Variants in ACACA observed in about 807,000 individuals in gnomAD.
The protein encoded by ACACA is acetyl-CoA carboxylase 1.
ACACA carries 103 observed loss-of-function variants against 296.1 expected under a neutral mutation model. The observed-to-expected ratio is 0.35, with a 90% confidence interval of 0.30 to 0.41. The LOEUF is 0.41. ACACA is among the 10% of genes least tolerant of loss of function. The pLI is 1.00. For synonymous variants in ACACA, 953 were observed against 1,038.6 expected (o/e 0.92, Z 1.58); for missense variants, 1,554 against 2,989.7 (o/e 0.52, Z 11.20).
At chr17:37,199,524 G>A (rs1397769180) in intron 35 of ACACA, among the ~76,000 whole-genome samples, 1 of 152,082 alleles carries the variant, frequency 6.6e-6, no homozygotes, top group African/African-American at 2.4e-5. Context: ...TTAAATGGGA[G>A]AATAAGCAAC....
At chr17:37,156,827 T>C (rs1598004236) in intron 42 of ACACA, among the ~76,000 whole-genome samples, 1 of 152,240 alleles carries the variant, frequency 6.6e-6, no homozygotes, top group East Asian at 1.9e-4. Context: ...ACTCAATAAA[T>C]GTATGTCCCA....
chr17:37,122,698 C>T (rs1379369812), intron 48 of ACACA, 71 bp from the exon 49 acceptor site: 1 of 1,324,428 alleles, frequency 7.6e-7, no homozygotes, highest in Non-Finnish European at 1.1e-6. Context: ...TTTTCCAATC[C>T]CAAATCAAGA....
At chr17:37,098,798 G>A (rs752260197) in intron 52 of ACACA, among the ~76,000 whole-genome samples, 3 of 152,194 alleles carry the variant, frequency 2.0e-5, no homozygotes, top group Non-Finnish European at 2.9e-5. Flanking sequence ...TCAACAGACA[G>A]GAGACTTTGG....
rs896453133 is a variant in ACACA, at chr17:37,374,576, C to T, written c.38+31686G>A. On this transcript the variant is annotated intron_variant, in intron 1 of 55. Coordinates refer to ENST00000616317, the MANE Select transcript of ACACA (RefSeq NM_198834.3). ...TGCTGGGATTACAGGCGTGAGCCACCGCGCCCGGCCCTTCATTCTCTTTTA... is the reference window on the plus strand; with the variant it reads ...TGCTGGGATTACAGGCGTGAGCCACTGCGCCCGGCCCTTCATTCTCTTTTA... 3.3e-5 allele frequency among the ~76,000 whole-genome samples: 5 copies of T among 152,262 alleles called. No individual in the cohort carries two copies. The South Asian group carries it at 1.0e-3, about 32-fold the overall frequency.
rs554285386 is a variant in ACACA at position 37,395,554 on chromosome 17, A to G, written c.38+10708T>C. Reference sequence around the variant, plus strand: ...GCTGTTCCACCTTTTTTTAAATTTTAATTTTTTGAGATGGAGTTTCACTCT... The same window carrying G: ...GCTGTTCCACCTTTTTTTAAATTTTGATTTTTTGAGATGGAGTTTCACTCT... On this transcript the variant is annotated intron_variant, in intron 1 of 55. Transcript: ENST00000616317. Among the ~76,000 whole-genome samples, 404 of 151,656 alleles carry G rather than the reference A, an allele frequency of 2.7e-3. 1 individual carries two copies. The highest frequency in any genetic ancestry group is 9.3e-3 in the African/African-American group (384 of 41,380).
chr17:37,206,017 T>C lies in ACACA; in HGVS notation c.3949-145A>G, dbSNP rs552018246. ...TTGCCCAGCAGTAGGAATGAGCAAATTGAAACCACTGCCCAATAGCCACAG... is the reference window on the plus strand; with the variant it reads ...TTGCCCAGCAGTAGGAATGAGCAAACTGAAACCACTGCCCAATAGCCACAG... On this transcript the variant is annotated intron_variant, in intron 32 of 55. Coordinates refer to ENST00000616317, the MANE Select transcript of ACACA (RefSeq NM_198834.3). 4 of 704,378 alleles carry C rather than the reference T, an allele frequency of 5.7e-6. No individual in the cohort carries two copies. The South Asian group carries it at 6.1e-5, about 11-fold the overall frequency. 43.6% of individuals were successfully genotyped at this position (704,378 alleles called of 1,614,324 possible). A position where few individuals can be genotyped will look rare whatever the true frequency, so the allele number is the denominator to read the frequency against.
chr17:37,254,289 T>C (rs1054064016), intron 14 of ACACA, among the ~76,000 whole-genome samples: 2 of 152,162 alleles, frequency 1.3e-5, no homozygotes, highest in Non-Finnish European at 2.9e-5. Context: ...TGGGCTAAAG[T>C]ATAGCTGATA....
chr17:37,130,014 G>A (rs927799454), intron 46 of ACACA, 61 bp downstream of exon 46: 2 of 1,597,332 alleles, frequency 1.3e-6, no homozygotes, highest in East Asian at 2.2e-5. Context: ...CAGAGGCAGT[G>A]AGCTGTGGTG....
At chr17:37,172,075 T>C (rs1269916740) in intron 41 of ACACA, among the ~76,000 whole-genome samples, 1 of 152,202 alleles carries the variant, frequency 6.6e-6, no homozygotes, top group Non-Finnish European at 1.5e-5. Flanking sequence ...TGCCTCTGGT[T>C]GGAGCTGTAA....
chr17:37,355,701 C>CA (rs952458385), intron 1 of ACACA, among the ~76,000 whole-genome samples: 42 of 149,430 alleles, frequency 2.8e-4, no homozygotes, highest in Admixed American at 1.7e-3. Flanking sequence ...ACTAAAAATA[C>CA]AAAAAAATTA....
chr17:37,135,584 A>G (rs2143638045), intron 45 of ACACA, among the ~76,000 whole-genome samples: 1 of 152,354 alleles, frequency 6.6e-6, no homozygotes, highest in East Asian at 1.9e-4. Context: ...AGGAAAAGAA[A>G]CAGCCAAAAA....
rs768493592 is a variant in ACACA, at chr17:37,206,778, T to G, written c.3948+5A>C. On this transcript the variant is annotated splice_donor_5th_base_variant and intron_variant, in intron 32 of 55. Transcript: ENST00000616317. ...CAAAGCAGTCTCCCAAAAGGGACAT[T>G]ATACCTTATCCTCATCATAAAGAGA... is the stretch of plus-strand genomic sequence containing the variant. 6.3e-6 allele frequency: 10 copies of G among 1,597,898 alleles called. No individual in the cohort carries two copies. Among genetic ancestry groups the G allele is most frequent in the Non-Finnish European group, 8.6e-6 (10 of 1,165,328 alleles).
intron 1 of ACACA, chr17:37,385,937 T>C (rs2050506460): frequency 2.0e-6 from 2 of 1,009,624 alleles, no homozygotes; most frequent in African/African-American, 3.3e-5. Flanking sequence ...CTGGGCAGGG[T>C]TTCATCAGAT....
chr17:37,266,138 G>A (rs1329310487), intron 10 of ACACA, among the ~76,000 whole-genome samples: 1 of 152,148 alleles, frequency 6.6e-6, no homozygotes, highest in East Asian at 1.9e-4. Flanking sequence ...TTAGGGCCAG[G>A]CATGGTGGCT....
intron 5 of ACACA, among the ~76,000 whole-genome samples, chr17:37,278,756 GGAGTT>G (rs772050059): frequency 6.6e-6 from 1 of 152,042 alleles, no homozygotes; most frequent in Non-Finnish European, 1.5e-5. Flanking sequence ...ATGGCTTGGA[GGAGTT>G]AAGTAACTTC....
intron 1 of ACACA, among the ~76,000 whole-genome samples, chr17:37,372,807 A>G (rs995636098): frequency 6.6e-6 from 1 of 152,194 alleles, no homozygotes; most frequent in African/African-American, 2.4e-5. Flanking sequence ...AAGTCAGTCA[A>G]AATATCTAGG....
In ACACA at chr17:37,129,261, T is replaced by C. The variant is rs540432735; in HGVS notation, c.5944+104A>G. The C allele has an allele frequency of 1.7e-5, 26 of 1,502,248 alleles. No homozygotes were observed. The South Asian group carries it at 2.6e-4, about 15-fold the overall frequency. 93.1% of individuals were successfully genotyped at this position (1,502,248 alleles called of 1,614,324 possible). The stretch of plus-strand genomic sequence containing the variant: ...TTTCTCATTTCTAGGTACTTACCTC[T>C]GTTTTCTTAGTCACATGTGATTGTT... On this transcript the variant is annotated intron_variant, in intron 47 of 55. Coordinates refer to ENST00000616317, the MANE Select transcript of ACACA (RefSeq NM_198834.3).
chr17:37,298,253 T>A lies in ACACA; in HGVS notation c.339-13283A>T, dbSNP rs986529225. Among the ~76,000 whole-genome samples, 50 of 152,204 alleles carry A rather than the reference T, an allele frequency of 3.3e-4. 1 individual carries two copies. Among genetic ancestry groups the A allele is most frequent in the Non-Finnish European group, 4.4e-5 (3 of 68,030 alleles). ...GAGGCAGTTGGGGGAAAAAAAGGAA[T>A]GGAAAAGGATGATCTAAAGACAGAT... On this transcript the variant is annotated intron_variant, in intron 3 of 55. Transcript: ENST00000616317.
At chr17:37,154,876 TTAAAA>T (rs2144240714) in intron 43 of ACACA, among the ~76,000 whole-genome samples, 1 of 152,352 alleles carries the variant, frequency 6.6e-6, no homozygotes, top group South Asian at 2.1e-4. Flanking sequence ...AAAATACAAG[TTAAAA>T]TAACAATTGC....
Sources: gnomAD v4.1 joint callset for allele counts (sites outside exome capture counted in the v4.1 genomes callset) on GRCh38, gnomAD v4.1.1 for gene constraint, MANE v1.5 for transcripts, NCBI Gene and HGNC (gene_info 2026-07-23, HGNC 2026-07-21) for gene names.